Variants in AHR observed in about 807,000 individuals in gnomAD.
The protein encoded by AHR is AH-receptor.
AHR carries 40 observed loss-of-function variants against 86.8 expected under a neutral mutation model. That is an observed-to-expected ratio of 0.46 (90% CI 0.36 to 0.60). AHR has a LOEUF of 0.60. Ranked by LOEUF, AHR falls within the 20% of genes least tolerant of loss-of-function variation. The pLI is 0.00. For synonymous variants in AHR, 398 were observed against 354.9 expected (o/e 1.12, Z -1.37); for missense variants, 1,001 against 1,011.6 (o/e 0.99, Z 0.14).
intron 3 of AHR, among the ~76,000 whole-genome samples, chr7:17,325,137 T>G (rs894461338): frequency 3.3e-5 from 5 of 152,216 alleles, no homozygotes; most frequent in African/African-American, 9.6e-5. Flanking sequence ...ATTAGCATAT[T>G]AATTCCTTCT....
chr7:17,336,795 T>C (rs1782358570), intron 9 of AHR, among the ~76,000 whole-genome samples: 1 of 152,194 alleles, frequency 6.6e-6, no homozygotes, highest in Admixed American at 6.5e-5. Flanking sequence ...TGATCAATGT[T>C]TCTAGAAGGC....
chr7:17,316,346 C>T (rs1340182329), intron 2 of AHR, among the ~76,000 whole-genome samples: 1 of 152,176 alleles, frequency 6.6e-6, no homozygotes, highest in Admixed American at 6.6e-5. Flanking sequence ...TGTCTGGGCT[C>T]TGTGGCTCAT....
At chr7:17,305,607 G>A (rs954498455) in intron 1 of AHR, among the ~76,000 whole-genome samples, 1 of 152,134 alleles carries the variant, frequency 6.6e-6, no homozygotes, top group Non-Finnish European at 1.5e-5. Context: ...CGCAGTAAGA[G>A]TAGATTAAAT....
intron 1 of AHR, among the ~76,000 whole-genome samples, chr7:17,306,023 G>A (rs548703528): frequency 1.2e-4 from 18 of 152,176 alleles, no homozygotes; most frequent in Admixed American, 1.1e-3. Context: ...GATTTTTGAG[G>A]TAAAGGTTTC....
intron 6 of AHR, among the ~76,000 whole-genome samples, chr7:17,332,797 C>G (rs1384246910): frequency 6.6e-6 from 1 of 151,808 alleles, no homozygotes; most frequent in African/African-American, 2.4e-5. Context: ...TCAGCGTAGC[C>G]TAAGTGTATA....
Position 17,339,407 on chromosome 7 carries a change from C to G in AHR, c.1582C>G (p.Pro528Ala). The G allele has an allele frequency of 1.2e-6, 2 of 1,614,094 alleles. No individual in the cohort carries two copies. Among genetic ancestry groups the G allele is most frequent in the Non-Finnish European group, 1.7e-6 (2 of 1,180,026 alleles). The change falls in exon 10 of 11, where the codon CCA becomes GCA. Residue 528 changes from proline to alanine, a missense_variant. Pro to Ala is a conservative substitution (Grantham distance 27). Transcript: ENST00000242057. ...TGTGAACTCATTTGCTGGAGGTCAC[C>G]CAGGGCTCTTTCAAGATAGTAAAAA... ...QDVNSFAGGH[P>A]GLFQDSKNSD...
intron 10 of AHR, among the ~76,000 whole-genome samples, chr7:17,340,758 A>G (rs1782412934): frequency 6.6e-6 from 1 of 152,134 alleles, no homozygotes; most frequent in African/African-American, 2.4e-5. Context: ...ATTCAGTCCT[A>G]GGCACCTCCA....
intron 2 of AHR, among the ~76,000 whole-genome samples, chr7:17,319,058 A>T (rs920082655): frequency 7.2e-5 from 11 of 152,138 alleles, no homozygotes; most frequent in African/African-American, 2.2e-4. Context: ...TTCAAGGGTC[A>T]GCTGTACTTT....
At chr7:17,314,798 T>G (rs935495732) in intron 2 of AHR, among the ~76,000 whole-genome samples, 1 of 152,040 alleles carries the variant, frequency 6.6e-6, no homozygotes, top group African/African-American at 2.4e-5. Context: ...TTCATCTGCT[T>G]TGTTGTAATT....
chr7:17,341,097 A>C (rs1782418933), intron 10 of AHR, among the ~76,000 whole-genome samples: 1 of 152,128 alleles, frequency 6.6e-6, no homozygotes, highest in Non-Finnish European at 1.5e-5. Flanking sequence ...AGTATATTTA[A>C]GTTTAGTTTT....
intron 1 of AHR, among the ~76,000 whole-genome samples, chr7:17,299,883 A>G (rs185435474): frequency 2.6e-5 from 4 of 152,316 alleles, no homozygotes; most frequent in African/African-American, 9.6e-5. Context: ...TTTGGCAGCA[A>G]TTTTGTAGCG....
At chr7:17,305,714 A>G (rs1781998838) in intron 1 of AHR, among the ~76,000 whole-genome samples, 1 of 151,220 alleles carries the variant, frequency 6.6e-6, no homozygotes, top group South Asian at 2.1e-4. Context: ...TACTGAAACC[A>G]TATCTTTGCA....
In AHR at chr7:17,316,417, G is replaced by A. The variant is rs75939505; in HGVS notation, c.254-6084G>A. Among the ~76,000 whole-genome samples the A allele has an allele frequency of 3.5e-3, 539 of 152,204 alleles. 4 individuals are homozygous for A. The highest frequency in any genetic ancestry group is 5.9e-3 in the Non-Finnish European group (398 of 68,004). Reference sequence around the variant, plus strand: ...GAGGACTGCTTGAAAGCAGGAGTTCGAGACCAGCCAGGACAACGTAGTGAG... The same window carrying A: ...GAGGACTGCTTGAAAGCAGGAGTTCAAGACCAGCCAGGACAACGTAGTGAG... On this transcript the variant is annotated intron_variant, in intron 2 of 10. Transcript: ENST00000242057.
intron 5 of AHR, 29 bp downstream of exon 5, chr7:17,330,104 T>A: frequency 6.3e-7 from 1 of 1,598,336 alleles, no homozygotes; most frequent in South Asian, 1.1e-5. Context: ...AAAAATAGTG[T>A]TGGTAGTTTT....
At chr7:17,330,647 A>T in intron 5 of AHR, 109 bp from the exon 6 acceptor site, 1 of 968,012 alleles carries the variant, frequency 1.0e-6, no homozygotes, top group Non-Finnish European at 1.4e-6. Flanking sequence ...ATTTTTTTGT[A>T]TTCAGAACAC....
At chr7:17,327,280 G>T (rs1193505329) in intron 3 of AHR, among the ~76,000 whole-genome samples, 1 of 151,860 alleles carries the variant, frequency 6.6e-6, no homozygotes, top group African/African-American at 2.4e-5. Context: ...GTGTTTTCCT[G>T]TAAAAGTCTT....
At chr7:17,307,457 C>T (rs1782017246) in intron 1 of AHR, among the ~76,000 whole-genome samples, 2 of 152,098 alleles carry the variant, frequency 1.3e-5, no homozygotes, top group Admixed American at 6.6e-5. Context: ...TGAGCGGGGA[C>T]TTGAAACCAA....
chr7:17,308,704 C>T (rs1782031142), intron 1 of AHR, among the ~76,000 whole-genome samples: 1 of 149,030 alleles, frequency 6.7e-6, no homozygotes, highest in Non-Finnish European at 1.5e-5. Flanking sequence ...TACATAAACA[C>T]ACACACACAC....
Position 17,343,074 on chromosome 7 carries a change from C to G in AHR, c.*10C>G. ...CAGTGGATTCCTGTAATTCCAAGCCCAATTTTGACCCTGGTTTTTGGATTA... is the reference window on the plus strand; with the variant it reads ...CAGTGGATTCCTGTAATTCCAAGCCGAATTTTGACCCTGGTTTTTGGATTA... On this transcript the variant is annotated 3_prime_UTR_variant, in exon 11 of 11. Transcript: ENST00000242057. 6.2e-7 allele frequency: 1 copy of G among 1,613,184 alleles called. No individual in the cohort carries two copies. The highest frequency in any genetic ancestry group is 1.7e-4 in the Middle Eastern group (1 of 6,060).
Sources: gnomAD v4.1 joint callset for allele counts (sites outside exome capture counted in the v4.1 genomes callset) on GRCh38, gnomAD v4.1.1 for gene constraint, MANE v1.5 for transcripts, NCBI Gene and HGNC (gene_info 2026-07-23, HGNC 2026-07-21) for gene names.